Variants in NDUFAF5 observed in about 807,000 individuals in gnomAD.
The protein encoded by NDUFAF5 is arginine-hydroxylase NDUFAF5, mitochondrial.
A neutral mutation model predicts 48.9 loss-of-function variants in NDUFAF5; 34 were observed. The observed-to-expected ratio is 0.70, with a 90% confidence interval of 0.53 to 0.93. NDUFAF5 has a LOEUF of 0.93. Ranked by LOEUF, NDUFAF5 falls within the 40% of genes least tolerant of loss-of-function variation. The pLI is 0.00. For synonymous variants in NDUFAF5, 153 were observed against 150.6 expected (o/e 1.02, Z -0.12); for missense variants, 428 against 427.5 (o/e 1.00, Z -0.01).
At position 13,818,453 on chromosome 20, in the gene NDUFAF5, T is replaced by A; in HGVS notation, c.*1243T>A. On this transcript the variant is annotated 3_prime_UTR_variant, in exon 11 of 11. Transcript: ENST00000378106. ...GTTTTGTTTTTTGGGGTTTTTTTTT[T>A]TTTTAGCTTAATTTTCAGAACTTGA... 1 of 342,772 alleles carries A rather than the reference T, an allele frequency of 2.9e-6. No homozygotes were observed. Among genetic ancestry groups the A allele is most frequent in the South Asian group, 2.3e-5 (1 of 43,046 alleles). The allele number at this position is 342,772 out of a possible 1,614,324, so 21.2% of individuals were successfully genotyped here.
chr20:13,816,702 G>A, intron 9 of NDUFAF5, 156 bp downstream of exon 9: 3 of 774,342 alleles, frequency 3.9e-6, no homozygotes, highest in Non-Finnish European at 6.8e-6. Context: ...GCTTTTTCCA[G>A]ACAGCCTTTA....
At chr20:13,790,139 T>C (rs541661856) in intron 3 of NDUFAF5, among the ~76,000 whole-genome samples, 4 of 152,094 alleles carry the variant, frequency 2.6e-5, no homozygotes, top group Admixed American at 2.0e-4. Flanking sequence ...TCGAGAAAGA[T>C]TGAAGAAGAG....
rs1331491109 is a variant in NDUFAF5, at chr20:13,785,145, G to A, written c.77G>A (p.Arg26His). 1 of 1,614,002 alleles carries A rather than the reference G, an allele frequency of 6.2e-7. No individual in the cohort carries two copies. The highest frequency in any genetic ancestry group is 8.5e-7 in the Non-Finnish European group (1 of 1,179,970). The change falls in exon 1 of 11, where the codon CGT becomes CAT. Residue 26 changes from arginine to histidine, a missense_variant. By Grantham distance (29) the Arg-to-His change is conservative. Transcript: ENST00000378106. ...AGGGTCCCAGCGGAGAATCTTGGCCGTAGGGAAGTCACCTCTGGTGTCTCT... is the reference window on the plus strand; with the variant it reads ...AGGGTCCCAGCGGAGAATCTTGGCCATAGGGAAGTCACCTCTGGTGTCTCT... ...AARVPAENLG[R>H]REVTSGVSPR...
At chr20:13,803,551 C>G (rs2147565671) in intron 7 of NDUFAF5, 1 of 152,296 alleles carries the variant, frequency 6.6e-6, no homozygotes, top group South Asian at 2.1e-4. Flanking sequence ...ATGCTTAGCT[C>G]TCTCTTGAGA....
intron 1 of NDUFAF5, among the ~76,000 whole-genome samples, chr20:13,786,528 A>G (rs1443904921): frequency 2.0e-5 from 3 of 152,198 alleles, no homozygotes; most frequent in East Asian, 3.8e-4. Context: ...TAGGGTGTTC[A>G]TATTAGGAAT....
chr20:13,804,424 CTTT>C (rs35724891), intron 7 of NDUFAF5, among the ~76,000 whole-genome samples: 2 of 146,300 alleles, frequency 1.4e-5, no homozygotes, highest in Non-Finnish European at 3.0e-5. Flanking sequence ...ACCTTCCAGA[CTTT>C]TTTTTTTTTA....
chr20:13,799,900 A>T (rs1339086593), intron 6 of NDUFAF5, among the ~76,000 whole-genome samples: 1 of 152,104 alleles, frequency 6.6e-6, no homozygotes, highest in Non-Finnish European at 1.5e-5. Context: ...AGGAGGCAAA[A>T]CTCACTTTGA....
chr20:13,799,174 A>G (rs6134973), intron 6 of NDUFAF5, among the ~76,000 whole-genome samples: 23,424 of 152,088 alleles, frequency 0.15, 2,300 homozygotes, highest in East Asian at 0.43. Context: ...GGTGTGATGT[A>G]TTGGGACAGT....
At chr20:13,813,375 T>G (rs1332670519) in intron 8 of NDUFAF5, among the ~76,000 whole-genome samples, 1 of 152,236 alleles carries the variant, frequency 6.6e-6, no homozygotes, top group Non-Finnish European at 1.5e-5. Flanking sequence ...CATCTTATCC[T>G]TAGGAATATT....
At chr20:13,802,418 C>T (rs1304174401) in intron 7 of NDUFAF5, among the ~76,000 whole-genome samples, 1 of 152,054 alleles carries the variant, frequency 6.6e-6, no homozygotes, top group Non-Finnish European at 1.5e-5. Flanking sequence ...CCTGTAATCC[C>T]AGCACTTTGG....
intron 8 of NDUFAF5, among the ~76,000 whole-genome samples, chr20:13,811,773 G>A (rs567700500): frequency 3.1e-4 from 47 of 152,272 alleles, no homozygotes; most frequent in African/African-American, 1.0e-3. Flanking sequence ...TTCAACTTGC[G>A]TCCTTTGTGG....
intron 7 of NDUFAF5, among the ~76,000 whole-genome samples, chr20:13,803,666 T>C (rs1984551867): frequency 6.6e-6 from 1 of 152,250 alleles, no homozygotes; most frequent in South Asian, 2.1e-4. Flanking sequence ...TCTGTCAGTA[T>C]TCACTATATT....
Position 13,820,139 on chromosome 20 carries a change from G to A in NDUFAF5, c.*2929G>A, listed in dbSNP as rs896078163. 6 of 152,144 alleles carry A rather than the reference G, an allele frequency of 3.9e-5. No homozygotes were observed. Among genetic ancestry groups the A allele is most frequent in the South Asian group, 2.1e-4 (1 of 4,832 alleles). The allele number at this position is 152,144 out of a possible 1,614,324, so 9.4% of individuals were successfully genotyped here. On this transcript the variant is annotated 3_prime_UTR_variant, in exon 11 of 11. Transcript: ENST00000378106. Reference sequence around the variant, plus strand: ...TTCCTGGTTCTTAGCAATATTCCAGGTTGGCCTGGAGAATTCCAAAGGTAA... The same window carrying A: ...TTCCTGGTTCTTAGCAATATTCCAGATTGGCCTGGAGAATTCCAAAGGTAA...
intron 7 of NDUFAF5, among the ~76,000 whole-genome samples, chr20:13,806,693 T>C (rs963689137): frequency 6.6e-6 from 1 of 152,196 alleles, no homozygotes; most frequent in African/African-American, 2.4e-5. Flanking sequence ...CTGGAAAGAA[T>C]TTTGTTTTTA....
At chr20:13,812,551 CTAGAAAT>C (rs894953011) in intron 8 of NDUFAF5, among the ~76,000 whole-genome samples, 7 of 152,200 alleles carry the variant, frequency 4.6e-5, no homozygotes, top group African/African-American at 1.7e-4. Flanking sequence ...GAGAAACATA[CTAGAAAT>C]TAGACCTCTC....
chr20:13,786,700 C>A (rs74643088), intron 1 of NDUFAF5, among the ~76,000 whole-genome samples: 1 of 152,100 alleles, frequency 6.6e-6, no homozygotes, highest in African/African-American at 2.4e-5. Flanking sequence ...TAGACTCCCA[C>A]GTCTTTATTG....
intron 8 of NDUFAF5, among the ~76,000 whole-genome samples, chr20:13,809,358 A>T (rs534915668): frequency 2.0e-5 from 3 of 152,306 alleles, no homozygotes; most frequent in Non-Finnish European, 4.4e-5. Flanking sequence ...CTCAAAAAGA[A>T]GTGTTATCTG....
Position 13,793,230 on chromosome 20 carries a change from A to G in NDUFAF5, c.375+3A>G, listed in dbSNP as rs751831061. On this transcript the variant is annotated splice_donor_region_variant and intron_variant, in intron 4 of 10. Transcript: ENST00000378106. ...CTGACATTGCAGAAAATGCTTTGGT[A>G]GGTAGCTTTTTAATACTGTTGGTTT... 6.2e-7 allele frequency: 1 copy of G among 1,611,806 alleles called. No individual in the cohort carries two copies. The highest frequency in any genetic ancestry group is 8.5e-7 in the Non-Finnish European group (1 of 1,178,166).
chr20:13,796,848 G>A (rs1016563467), intron 5 of NDUFAF5, among the ~76,000 whole-genome samples: 1 of 152,170 alleles, frequency 6.6e-6, no homozygotes, highest in Non-Finnish European at 1.5e-5. Flanking sequence ...ATGTCATGGC[G>A]CATGCCTGTA....
Sources: allele counts gnomAD v4.1 joint callset (sites outside exome capture counted in the v4.1 genomes callset), GRCh38; gene constraint gnomAD v4.1.1; transcripts MANE v1.5; gene names NCBI Gene and HGNC (gene_info 2026-07-23, HGNC 2026-07-21).